INSC: variants seen among roughly 807,000 people sequenced by gnomAD.
INSC encodes the protein protein inscuteable homolog.
INSC carries 67 observed loss-of-function variants against 58.6 expected under a neutral mutation model. That is an observed-to-expected ratio of 1.14 (90% CI 0.94 to 1.40). INSC has a LOEUF of 1.40. INSC is among the 40% of genes most tolerant of loss of function. INSC has a pLI of 0.00. For missense variants in INSC, 714 were observed against 692.0 expected, an observed-to-expected ratio of 1.03 and a Z score of -0.36; for synonymous variants, 262 against 276.1, an observed-to-expected ratio of 0.95 and a Z score of 0.51.
At chr11:15,258,915 C>T in the INSC span, among the ~76,000 whole-genome samples, 1 of 152,170 alleles carries the variant, frequency 6.6e-6, no homozygotes, top group African/African-American at 2.4e-5. Context: ...TGCCAATTTG[C>T]TTGTCAAATT....
At chr11:15,209,990 C>G (rs926383406) in intron 7 of INSC, among the ~76,000 whole-genome samples, 2 of 152,216 alleles carry the variant, frequency 1.3e-5, no homozygotes, top group African/African-American at 2.4e-5. Context: ...TTTGCACCGG[C>G]TTTGCCCGTC....
At chr11:15,200,703 G>A (rs1471197631) in intron 6 of INSC, 121 bp from the exon 7 acceptor site, 3 of 1,282,496 alleles carry the variant, frequency 2.3e-6, no homozygotes, top group East Asian at 2.4e-5. Flanking sequence ...TGGGGCGGGG[G>A]TTGCTGGAGG....
intron 8 of INSC, 107 bp from the exon 9 acceptor site, chr11:15,225,543 A>G: frequency 8.6e-7 from 1 of 1,158,956 alleles, no homozygotes; most frequent in Non-Finnish European, 1.2e-6. Context: ...AATGGGTATT[A>G]TAACACCTGC....
intron 1 of INSC, among the ~76,000 whole-genome samples, chr11:15,134,279 T>C (rs777080367): frequency 3.3e-5 from 5 of 152,198 alleles, no homozygotes; most frequent in Non-Finnish European, 7.4e-5. Context: ...ATGGTTCCAA[T>C]TGAACGATGA....
At chr11:15,186,318 TAG>T (rs1448099210) in intron 5 of INSC, among the ~76,000 whole-genome samples, 1 of 152,178 alleles carries the variant, frequency 6.6e-6, no homozygotes, top group African/African-American at 2.4e-5. Flanking sequence ...ACATTCCTTT[TAG>T]AGAGACTCAT....
At chr11:15,161,194 C>T (rs1234008633) in intron 2 of INSC, among the ~76,000 whole-genome samples, 2 of 152,198 alleles carry the variant, frequency 1.3e-5, no homozygotes, top group African/African-American at 4.8e-5. Flanking sequence ...AATCCATGCC[C>T]ATGCCACAAA....
Position 15,116,805 on chromosome 11 carries a change from T to TTTCTTTCTTTCTCTTTC in INSC, c.-46+1804_-46+1805insCTTTCTTTCTCTTTCTT, listed in dbSNP as rs1554900053. 1.6e-3 allele frequency among the ~76,000 whole-genome samples: 32 copies of TTTCTTTCTTTCTCTTTC among 19,978 alleles called. 2 individuals are homozygous for TTTCTTTCTTTCTCTTTC. The highest frequency in any genetic ancestry group is 4.0e-3 in the African/African-American group (30 of 7,550). 13.1% of individuals were successfully genotyped at this position (19,978 alleles called of 152,430 possible). On this transcript the variant is annotated intron_variant, in intron 1 of 12. Coordinates refer to ENST00000379556, the MANE Select transcript of INSC (RefSeq NM_001042536.3). ...TCCTTCCTTTCTTTTCTTTTCTTTC[T>TTTCTTTCTTTCTCTTTC]TTTCTTTCTTTCTTTCTTTCTTTCT...
chr11:15,175,017 C>T (rs1010918043), intron 2 of INSC, among the ~76,000 whole-genome samples: 2 of 152,098 alleles, frequency 1.3e-5, no homozygotes, highest in African/African-American at 4.8e-5. Flanking sequence ...TGTTCTCATG[C>T]TGTTGTACTA....
At chr11:15,148,982 G>C in intron 1 of INSC, 148 bp from the exon 2 acceptor site, 1 of 889,952 alleles carries the variant, frequency 1.1e-6, no homozygotes, top group Non-Finnish European at 1.5e-6. Flanking sequence ...TGAGGATACT[G>C]GAGTGTAAAC....
At chr11:15,219,781 A>T (rs1273505903) in intron 7 of INSC, among the ~76,000 whole-genome samples, 1 of 152,196 alleles carries the variant, frequency 6.6e-6, no homozygotes, top group Non-Finnish European at 1.5e-5. Context: ...AACGAGCTTG[A>T]TCTGTGCTGG....
chr11:15,177,394 A>G (rs997859425), intron 4 of INSC, among the ~76,000 whole-genome samples: 6 of 152,204 alleles, frequency 3.9e-5, no homozygotes, highest in Non-Finnish European at 7.3e-5. Context: ...GGGCATAGGA[A>G]GAAAGAGGAT....
chr11:15,165,928 G>A (rs1849181024), intron 2 of INSC, among the ~76,000 whole-genome samples: 1 of 152,110 alleles, frequency 6.6e-6, no homozygotes, highest in South Asian at 2.1e-4. Flanking sequence ...GCACTTGAGC[G>A]AGCCTCATGA....
At chr11:15,140,519 T>C (rs184042926) in intron 1 of INSC, among the ~76,000 whole-genome samples, 2 of 152,268 alleles carry the variant, frequency 1.3e-5, no homozygotes, top group East Asian at 3.9e-4. Flanking sequence ...GTCCCAGGTG[T>C]AGCTTGGCTT....
the INSC span, among the ~76,000 whole-genome samples, chr11:15,254,088 C>G: frequency 6.6e-6 from 1 of 152,162 alleles, no homozygotes; most frequent in Admixed American, 6.5e-5. Context: ...CAAGTGTTAC[C>G]TCTCATTTTC....
intron 6 of INSC, among the ~76,000 whole-genome samples, chr11:15,199,602 T>A (rs1290779460): frequency 6.6e-6 from 1 of 152,232 alleles, no homozygotes; most frequent in Non-Finnish European, 1.5e-5. Flanking sequence ...GTCAGAGTTC[T>A]CAAAAACCTG....
upstream of INSC, chr11:15,114,885 C>T: frequency 2.1e-6 from 2 of 963,282 alleles, no homozygotes; most frequent in South Asian, 9.6e-5. Flanking sequence ...GGGGCGGGGG[C>T]CAGGGGCGGC....
Position 15,124,703 on chromosome 11 carries a change from AG to A in INSC, c.-46+9702del, listed in dbSNP as rs1025697099. Among the ~76,000 whole-genome samples the A allele has an allele frequency of 8.5e-5, 13 of 152,122 alleles. No individual in the cohort carries two copies. The South Asian group carries it at 1.2e-3, about 15-fold the overall frequency. On this transcript the variant is annotated intron_variant, in intron 1 of 12. Coordinates refer to ENST00000379556, the MANE Select transcript of INSC (RefSeq NM_001042536.3). ...TAGAAGCTGTTCTTTCAGTTCTCTT[AG>A]GCTTGTCATTTACAAAGAGCTCCCT... is the stretch of plus-strand genomic sequence containing the variant.
the INSC span, among the ~76,000 whole-genome samples, chr11:15,261,076 A>G: frequency 6.6e-6 from 1 of 152,184 alleles, no homozygotes; most frequent in African/African-American, 2.4e-5. Flanking sequence ...AATTCTGAGC[A>G]GAGAAGTTTG....
the INSC span, among the ~76,000 whole-genome samples, chr11:15,268,298 A>G: frequency 1.3e-5 from 2 of 152,000 alleles, no homozygotes; most frequent in Non-Finnish European, 2.9e-5. Flanking sequence ...TAATTACAAA[A>G]CTCAGATATT....
Sources: allele counts gnomAD v4.1 joint callset (sites outside exome capture counted in the v4.1 genomes callset), GRCh38; gene constraint gnomAD v4.1.1; transcripts MANE v1.5; gene names NCBI Gene and HGNC (gene_info 2026-07-23, HGNC 2026-07-21).